Variants in BMAL2 observed in about 807,000 individuals in gnomAD.
BMAL2 encodes basic helix-loop-helix ARNT like 2, also known as basic helix-loop-helix ARNT-like protein 2.
the BMAL2 span, among the ~76,000 whole-genome samples, chr12:27,402,089 G>A: frequency 6.6e-6 from 1 of 152,166 alleles, no homozygotes; most frequent in Non-Finnish European, 1.5e-5. Context: ...CAGCACGGGG[G>A]AGAACAGAAA....
chr12:27,385,179 T>G, the BMAL2 span, among the ~76,000 whole-genome samples: 1 of 152,134 alleles, frequency 6.6e-6, no homozygotes, highest in African/African-American at 2.4e-5. Context: ...CTGGGCGTGG[T>G]GGCATGCGCC....
the BMAL2 span, among the ~76,000 whole-genome samples, chr12:27,376,869 G>A: frequency 6.6e-6 from 1 of 151,754 alleles, no homozygotes; most frequent in Admixed American, 6.6e-5. Context: ...GCGTGGTGGT[G>A]GGCACCTGTA....
chr12:27,416,230 A>G, the BMAL2 span, among the ~76,000 whole-genome samples: 1 of 152,200 alleles, frequency 6.6e-6, no homozygotes, highest in Non-Finnish European at 1.5e-5. Context: ...AGTAAGAATA[A>G]TAATGTCACT....
the BMAL2 span, among the ~76,000 whole-genome samples, chr12:27,334,134 C>A: frequency 1.3e-5 from 2 of 152,108 alleles, no homozygotes; most frequent in South Asian, 4.1e-4. Context: ...CATCATGGGG[C>A]GATTTCAGAA....
chr12:27,416,273 A>G, the BMAL2 span, among the ~76,000 whole-genome samples: 1 of 152,192 alleles, frequency 6.6e-6, no homozygotes, highest in Non-Finnish European at 1.5e-5. Context: ...AAGAGCTTAA[A>G]TACATAAACA....
At chr12:27,391,286 T>C in the BMAL2 span, among the ~76,000 whole-genome samples, 1 of 152,162 alleles carries the variant, frequency 6.6e-6, no homozygotes, top group Non-Finnish European at 1.5e-5. Context: ...AGTGGGAACA[T>C]GTGGTATTTG....
the BMAL2 span, among the ~76,000 whole-genome samples, chr12:27,399,177 C>A: frequency 6.6e-6 from 1 of 152,196 alleles, no homozygotes; most frequent in Non-Finnish European, 1.5e-5. Context: ...AACCTGCCCT[C>A]TGTTCCCTGC....
chr12:27,399,381 T>A, the BMAL2 span, among the ~76,000 whole-genome samples: 919 of 152,314 alleles, frequency 6.0e-3, 6 homozygotes, highest in Non-Finnish European at 0.011. Context: ...ATTAGTGATT[T>A]AGAAAGTGGG....
At chr12:27,416,259 A>T in the BMAL2 span, among the ~76,000 whole-genome samples, 1 of 152,294 alleles carries the variant, frequency 6.6e-6, no homozygotes, top group Non-Finnish European at 1.5e-5. Flanking sequence ...GGATTGTGAG[A>T]ATTAAGAGCT....
At chr12:27,364,391 A>G in the BMAL2 span, among the ~76,000 whole-genome samples, 1 of 152,120 alleles carries the variant, frequency 6.6e-6, no homozygotes, top group Admixed American at 6.6e-5. Flanking sequence ...CATCTTTTCC[A>G]TAGAGAAAAC....
At chr12:27,371,967 T>C in the BMAL2 span, among the ~76,000 whole-genome samples, 1 of 152,210 alleles carries the variant, frequency 6.6e-6, no homozygotes, top group Non-Finnish European at 1.5e-5. Context: ...TCTAGCAAAT[T>C]GCCACTATTT....
At chr12:27,423,648 C>A in the BMAL2 span, 2 of 152,100 alleles carry the variant, frequency 1.3e-5, no homozygotes, top group Non-Finnish European at 2.9e-5. Flanking sequence ...CTTTTTTTAA[C>A]CCTAAGAATT....
At chr12:27,357,851 C>T in the BMAL2 span, among the ~76,000 whole-genome samples, 1 of 152,094 alleles carries the variant, frequency 6.6e-6, no homozygotes, top group African/African-American at 2.4e-5. Context: ...TCACATTATA[C>T]AAAATCATCT....
At chr12:27,415,798 T>C in the BMAL2 span, 4 of 1,004,686 alleles carry the variant, frequency 4.0e-6, no homozygotes, top group Non-Finnish European at 4.6e-6. Context: ...TAGATTATTA[T>C]GTATTTAGAG....
At chr12:27,411,936 G>A in the BMAL2 span, among the ~76,000 whole-genome samples, 4 of 152,070 alleles carry the variant, frequency 2.6e-5, no homozygotes, top group African/African-American at 9.7e-5. Context: ...AATGTCATGA[G>A]GCTGTTCCAC....
At chr12:27,407,647 A>T in the BMAL2 span, among the ~76,000 whole-genome samples, 209 of 152,340 alleles carry the variant, frequency 1.4e-3, 4 homozygotes, top group South Asian at 0.041. Context: ...AGCAGGAAAG[A>T]TCTAAAATTG....
At chr12:27,419,934 C>A in the BMAL2 span, among the ~76,000 whole-genome samples, 2 of 151,910 alleles carry the variant, frequency 1.3e-5, no homozygotes, top group African/African-American at 4.8e-5. Context: ...GAAGATGCTT[C>A]TGTCTCAGGC....
At chr12:27,409,820 G>C in the BMAL2 span, among the ~76,000 whole-genome samples, 1 of 151,976 alleles carries the variant, frequency 6.6e-6, no homozygotes, top group African/African-American at 2.4e-5. Flanking sequence ...CTACAGAATG[G>C]GAGAAAATTT....
the BMAL2 span, chr12:27,390,028 A>T: frequency 4.5e-6 from 7 of 1,553,572 alleles, no homozygotes; most frequent in Non-Finnish European, 5.3e-6. Flanking sequence ...AAATGTTAGG[A>T]GATAAATTTC....
Sources: gnomAD v4.1 joint callset for allele counts (sites outside exome capture counted in the v4.1 genomes callset) on GRCh38, gnomAD v4.1.1 for gene constraint, MANE v1.5 for transcripts, NCBI Gene and HGNC (gene_info 2026-07-23, HGNC 2026-07-21) for gene names.